The following INPP5J variants were observed in gnomAD, a reference collection of about 807,000 sequenced individuals.
The protein encoded by INPP5J is inositol polyphosphate-5-phosphatase J.
Under a neutral mutation model 86.6 loss-of-function variants are expected in INPP5J, and 75 were observed. The ratio of observed to expected loss-of-function variants is 0.87; its 90% CI spans 0.72 to 1.05. The LOEUF (loss-of-function observed/expected upper bound fraction) is 1.05. Among genes scored for constraint, INPP5J ranks in the 50% least tolerant of loss-of-function variants. The pLI is 0.00. For synonymous variants in INPP5J, 540 were observed against 550.0 expected (o/e 0.98, Z 0.25); for missense variants, 1,229 against 1,341.2 (o/e 0.92, Z 1.31).
At chr22:31,133,292 C>T in intron 10 of INPP5J, 57 bp downstream of exon 10, 1 of 1,601,956 alleles carries the variant, frequency 6.2e-7, no homozygotes, top group Non-Finnish European at 8.5e-7. Flanking sequence ...GGAGGAGCAG[C>T]TGAACAGCAT....
intron 7 of INPP5J, 59 bp from the exon 8 acceptor site, chr22:31,128,155 T>C (rs1921689753): frequency 2.2e-6 from 3 of 1,372,546 alleles, no homozygotes; most frequent in East Asian, 2.4e-5. Context: ...CCCCACCCCC[T>C]CCCTGGGCAC....
At chr22:31,133,259 C>A in intron 10 of INPP5J, 24 bp downstream of exon 10, 1 of 1,604,040 alleles carries the variant, frequency 6.2e-7, no homozygotes, top group Non-Finnish European at 8.5e-7. Flanking sequence ...TGGTGGTCAG[C>A]GACTCAGGGA....
chr22:31,127,623 A>G, intron 6 of INPP5J, 91 bp downstream of exon 6: 1 of 1,333,176 alleles, frequency 7.5e-7, no homozygotes, highest in Non-Finnish European at 1.0e-6. Context: ...GGAGAGAGGC[A>G]GGGCCTATGG....
rs375043137 is a variant in INPP5J, at chr22:31,127,575, G to A, written c.1787+43G>A. 3 of 1,568,030 alleles carry A rather than the reference G, an allele frequency of 1.9e-6. No homozygotes were observed. In the African/African-American group the frequency reaches 4.1e-5, roughly 21 times the overall value. ...GCCAAATAGAGCTTGGGTGGGGCTA[G>A]TGATGGGGGTTTTTGTACCACCTTG... On this transcript the variant is annotated intron_variant, in intron 6 of 12. Coordinates refer to ENST00000331075, the MANE Select transcript of INPP5J (RefSeq NM_001284285.2).
Position 31,125,661 on chromosome 22 carries a change from G to T in INPP5J, c.922G>T (p.Val308Leu). ...PRPPQTLPLD[V>L]GQGPSEPGTH... is the part of the protein sequence containing the mutation. ...GCCACCCCAGACCTTGCCCTTGGAT[G>T]TGGGCCAGGGTCCTTCAGAGCCTGG... The change falls in exon 2 of 13, where the codon GTG (valine) becomes TTG (leucine). Residue 308 changes from valine (V) to leucine (L), a missense_variant. By Grantham distance (32) the Val-to-Leu change is conservative. Transcript: ENST00000331075. The T allele has an allele frequency of 6.4e-7, 1 of 1,550,548 alleles. No individual in the cohort carries two copies. The highest frequency in any genetic ancestry group is 1.4e-5 in the African/African-American group (1 of 73,120).
Position 31,123,097 on chromosome 22 carries a change from C to T in INPP5J, c.83C>T (p.Ala28Val), listed in dbSNP as rs770869112. 3.2e-5 allele frequency: 48 copies of T among 1,482,794 alleles called. No individual in the cohort carries two copies. Among genetic ancestry groups the T allele is most frequent in the Non-Finnish European group, 2.9e-5 (32 of 1,120,722 alleles). 91.9% of individuals were successfully genotyped at this position (1,482,794 alleles called of 1,614,324 possible). A position where few individuals can be genotyped will look rare whatever the true frequency, so the allele number is the denominator to read the frequency against. Reference sequence around the variant, plus strand: ...TCCCTGCCCATGCCCCAGGGTGTTGCCCAAACTGGGGCACCCTCCAAGGTA... The same window carrying T: ...TCCCTGCCCATGCCCCAGGGTGTTGTCCAAACTGGGGCACCCTCCAAGGTA... ...LGSLPMPQGVAQTGAPSKVDS... is the reference protein window; with the variant it reads ...LGSLPMPQGVVQTGAPSKVDS... Residue 28 changes from alanine to valine, a missense_variant, in exon 1 of 13, where the codon GCC (alanine) becomes GTC (valine). Coordinates refer to ENST00000331075, the MANE Select transcript of INPP5J (RefSeq NM_001284285.2).
intron 9 of INPP5J, among the ~76,000 whole-genome samples, chr22:31,129,239 T>A (rs1449373868): frequency 7.3e-6 from 1 of 136,608 alleles, no homozygotes; most frequent in African/African-American, 2.7e-5. Flanking sequence ...CAACTTTTTT[T>A]TTTTTTTTTT....
chr22:31,128,708 AC>A, intron 9 of INPP5J, 54 bp downstream of exon 9: 1 of 1,448,200 alleles, frequency 6.9e-7, no homozygotes. Context: ...AACTCGGCAT[AC>A]CACTGCCCCT....
Position 31,129,671 on chromosome 22 carries a change from G to A in INPP5J, c.2193+1017G>A, listed in dbSNP as rs539019171. 7.3e-4 allele frequency among the ~76,000 whole-genome samples: 110 copies of A among 150,370 alleles called. 1 individual carries two copies. Among genetic ancestry groups the A allele is most frequent in the Non-Finnish European group, 1.3e-3 (91 of 67,790 alleles). The stretch of plus-strand genomic sequence containing the variant: ...TGATTCTCCTGCCTCAGCCTCCTGA[G>A]TAACTGGGATTACAGCTGCCCGCCA... On this transcript the variant is annotated intron_variant, in intron 9 of 12. Coordinates refer to ENST00000331075, the MANE Select transcript of INPP5J (RefSeq NM_001284285.2).
intron 9 of INPP5J, among the ~76,000 whole-genome samples, chr22:31,131,435 C>T (rs1392231001): frequency 1.3e-5 from 2 of 152,024 alleles, no homozygotes; most frequent in African/African-American, 4.8e-5. Context: ...TGGTGGTGCG[C>T]ACCTGTAGTC....
rs1921279152 is a variant in INPP5J at position 31,125,414 on chromosome 22, A to G, written c.675A>G (p.Ser225=). 6.4e-7 allele frequency: 1 copy of G among 1,550,524 alleles called. No individual in the cohort carries two copies. Among genetic ancestry groups the G allele is most frequent in the Non-Finnish European group, 8.7e-7 (1 of 1,146,932 alleles). Reference sequence around the variant, plus strand: ...CCCTGGCTCCAGCATCCACGGCATCAGGCGCAGCCTCTGTGGGACAGACAT... The same window carrying G: ...CCCTGGCTCCAGCATCCACGGCATCGGGCGCAGCCTCTGTGGGACAGACAT... ...EQALAPASTA[S]GAASVGQTSA... Residue 225 remains serine, a synonymous_variant, in exon 2 of 13, where the codon TCA becomes TCG. Transcript: ENST00000331075.
In INPP5J at chr22:31,126,720, TG is replaced by T; in HGVS notation, c.1494+1del. On this transcript the variant is annotated frameshift_variant and splice_region_variant, in exon 4 of 13. Transcript: ENST00000331075. LOFTEE classifies it high-confidence loss of function. Reference sequence around the variant, plus strand: ...GCGCTAGGGCCCTTCAACTTCGTGCTGGTAACGCACCCCTCACCCCCTGGAC... The same window carrying T: ...GCGCTAGGGCCCTTCAACTTCGTGCTGTAACGCACCCCTCACCCCCTGGAC... ...MDALGPFNFV[L>X]VSSVRMQGVI... The T allele has an allele frequency of 1.2e-6, 2 of 1,610,870 alleles. No homozygotes were observed. The highest frequency in any genetic ancestry group is 1.7e-6 in the Non-Finnish European group (2 of 1,177,060).
At position 31,126,649 on chromosome 22, in the gene INPP5J, C is replaced by T. The variant is rs767492583; in HGVS notation, c.1422C>T (p.Leu474=). 2 of 1,613,934 alleles carry T rather than the reference C, an allele frequency of 1.2e-6. No homozygotes were observed. Among genetic ancestry groups the T allele is most frequent in the Admixed American group, 1.7e-5 (1 of 60,024 alleles). Residue 474 remains leucine, a synonymous_variant, in exon 4 of 13, where the codon CTC becomes CTT. Transcript: ENST00000331075. ...TGAACTCCATGCTCAACAAGCGACTCAAGGACGCCCTCTTCACGGACCAGT... is the reference window on the plus strand; with the variant it reads ...TGAACTCCATGCTCAACAAGCGACTTAAGGACGCCCTCTTCACGGACCAGT... ...QEVNSMLNKR[L]KDALFTDQWS...
intron 1 of INPP5J, 66 bp downstream of exon 1, chr22:31,123,185 T>G: frequency 1.3e-5 from 12 of 926,994 alleles, no homozygotes; most frequent in East Asian, 3.4e-5. Context: ...CCCCCCCACA[T>G]ACACTGCAGG....
intron 9 of INPP5J, among the ~76,000 whole-genome samples, chr22:31,132,664 G>A (rs1012169132): frequency 3.9e-5 from 6 of 151,956 alleles, no homozygotes; most frequent in African/African-American, 1.2e-4. Context: ...ACTTGAACCC[G>A]GGAGGTGGAG....
intron 1 of INPP5J, chr22:31,124,374 AC>A (rs1418206224): frequency 1.1e-6 from 1 of 872,118 alleles, no homozygotes; most frequent in Non-Finnish European, 1.4e-6. Flanking sequence ...AACAAGCTGC[AC>A]CTGTAGGTCT....
At chr22:31,129,605 G>A (rs570078933) in intron 9 of INPP5J, among the ~76,000 whole-genome samples, 41 of 142,400 alleles carry the variant, frequency 2.9e-4, no homozygotes, top group African/African-American at 7.6e-4. Flanking sequence ...GTGCAGTGGC[G>A]TGGTCTCGGC....
Position 31,125,382 on chromosome 22 carries a change from G to C in INPP5J, c.643G>C (p.Glu215Gln), listed in dbSNP as rs2147870986. The C allele has an allele frequency of 6.4e-7, 1 of 1,550,450 alleles. No individual in the cohort carries two copies. Among genetic ancestry groups the C allele is most frequent in the Non-Finnish European group, 8.7e-7 (1 of 1,146,916 alleles). Residue 215 changes from glutamate to glutamine, a missense_variant, in exon 2 of 13, where the codon GAA becomes CAA. Transcript: ENST00000331075. ...CAGTCCAGTTCTGTCTCCAACTCAGGAACAGGCCCTGGCTCCAGCATCCAC... is the reference window on the plus strand; with the variant it reads ...CAGTCCAGTTCTGTCTCCAACTCAGCAACAGGCCCTGGCTCCAGCATCCAC... ...VPSPVLSPTQ[E>Q]QALAPASTAS...
rs1233022180 is a variant in INPP5J, at chr22:31,125,443, C to T, written c.704C>T (p.Ala235Val). 1 of 1,550,584 alleles carries T rather than the reference C, an allele frequency of 6.4e-7. No homozygotes were observed. Among genetic ancestry groups the T allele is most frequent in the Non-Finnish European group, 8.7e-7 (1 of 1,147,008 alleles). ...GCAGCCTCTGTGGGACAGACATCAG[C>T]TAGAAAGAGGGATGCCCCAGCCCCT... ...SGAASVGQTS[A>V]RKRDAPAPRP... Residue 235 changes from alanine (A) to valine (V), a missense_variant, in exon 2 of 13, where the codon GCT becomes GTT. Transcript: ENST00000331075.
Sources: allele counts gnomAD v4.1 joint callset (sites outside exome capture counted in the v4.1 genomes callset), GRCh38; gene constraint gnomAD v4.1.1; transcripts MANE v1.5; gene names NCBI Gene and HGNC (gene_info 2026-07-23, HGNC 2026-07-21).